The following MAF variants were observed in gnomAD, a reference collection of about 807,000 sequenced individuals.
MAF encodes the protein transcription factor Maf.
A neutral mutation model predicts 22.0 loss-of-function variants in MAF; 10 were observed. The observed-to-expected ratio is 0.45, with a 90% CI of 0.28 to 0.77. The LOEUF is 0.77. Ranked by LOEUF, MAF falls within the 30% of genes least tolerant of loss-of-function variation. The pLI is 0.12. For missense variants in MAF, 544 were observed against 548.4 expected (o/e 0.99, Z 0.08); for synonymous variants, 337 against 255.8 (o/e 1.32, Z -3.03).
At chr16:79,304,424 C>T in the MAF span, among the ~76,000 whole-genome samples, 23 of 152,178 alleles carry the variant, frequency 1.5e-4, 1 homozygote, top group African/African-American at 4.1e-4. Context: ...TTAATCTTCC[C>T]ATTCCAGAGT....
At chr16:79,286,927 C>T in the MAF span, among the ~76,000 whole-genome samples, 1 of 152,140 alleles carries the variant, frequency 6.6e-6, no homozygotes. Flanking sequence ...ATGGCACAGA[C>T]CTGACTCTCT....
At chr16:79,369,097 T>G in the MAF span, among the ~76,000 whole-genome samples, 1 of 152,250 alleles carries the variant, frequency 6.6e-6, no homozygotes, top group South Asian at 2.1e-4. Context: ...TTGAATAAAT[T>G]AATTCTCTTT....
chr16:79,585,851 G>T, exon 2 of MAF: 1 of 607,184 alleles, frequency 1.6e-6, no homozygotes, highest in South Asian at 2.0e-5. Flanking sequence ...AAAAACTCAA[G>T]CACATGCAAA....
At chr16:79,328,401 G>T in the MAF span, among the ~76,000 whole-genome samples, 16 of 152,154 alleles carry the variant, frequency 1.1e-4, no homozygotes, top group African/African-American at 3.6e-4. Context: ...GCTGGAGAGG[G>T]AAACAGGGGC....
chr16:79,502,728 T>TAAATATAA, the MAF span, among the ~76,000 whole-genome samples: 70 of 103,304 alleles, frequency 6.8e-4, 2 homozygotes, highest in East Asian at 3.0e-3. Context: ...TATATATATA[T>TAAATATAA]ATATATATAT....
chr16:79,465,625 A>G, the MAF span, among the ~76,000 whole-genome samples: 1 of 152,204 alleles, frequency 6.6e-6, no homozygotes, highest in Non-Finnish European at 1.5e-5. Flanking sequence ...AATAAAAATA[A>G]AGAAAAGAAA....
chr16:79,376,659 T>G, the MAF span, among the ~76,000 whole-genome samples: 1 of 152,212 alleles, frequency 6.6e-6, no homozygotes, highest in Non-Finnish European at 1.5e-5. Flanking sequence ...GTATATCTCC[T>G]AATGCTATCC....
the MAF span, among the ~76,000 whole-genome samples, chr16:79,382,528 T>A: frequency 2.0e-5 from 3 of 152,300 alleles, no homozygotes; most frequent in South Asian, 6.2e-4. Context: ...AAATTTGAGA[T>A]TAAATTTAGC....
At chr16:79,239,505 A>C in the MAF span, among the ~76,000 whole-genome samples, 1 of 152,084 alleles carries the variant, frequency 6.6e-6, no homozygotes, top group Non-Finnish European at 1.5e-5. Context: ...TCTCACTCAC[A>C]CTGGGTTGGA....
the MAF span, among the ~76,000 whole-genome samples, chr16:79,524,012 T>C: frequency 1.8e-4 from 27 of 152,290 alleles, no homozygotes; most frequent in Non-Finnish European, 3.2e-4. Flanking sequence ...CCAGTATAAA[T>C]AGACACACAC....
At chr16:79,402,891 G>A in the MAF span, among the ~76,000 whole-genome samples, 3 of 152,176 alleles carry the variant, frequency 2.0e-5, no homozygotes, top group African/African-American at 4.8e-5. Context: ...TCCTTCAGCT[G>A]AGCCCAGAGA....
At chr16:79,209,676 C>A in the MAF span, among the ~76,000 whole-genome samples, 2 of 152,174 alleles carry the variant, frequency 1.3e-5, no homozygotes, top group East Asian at 1.9e-4. Flanking sequence ...TCCACCAGAA[C>A]TCTAAGATTC....
chr16:79,322,014 C>T, the MAF span, among the ~76,000 whole-genome samples: 1,372 of 152,200 alleles, frequency 9.0e-3, 21 homozygotes, highest in African/African-American at 0.031. Context: ...GGCAGATCAC[C>T]TGAGGTCAGA....
chr16:79,298,761 G>A, the MAF span, among the ~76,000 whole-genome samples: 2 of 152,254 alleles, frequency 1.3e-5, no homozygotes, highest in African/African-American at 2.4e-5. Flanking sequence ...GGGCAGAGCG[G>A]ACGTGACGGA....
chr16:79,368,937 T>A, the MAF span, among the ~76,000 whole-genome samples: 5 of 152,292 alleles, frequency 3.3e-5, no homozygotes, highest in East Asian at 9.7e-4. Context: ...CACTTTTATA[T>A]ACCATAAGTT....
the MAF span, among the ~76,000 whole-genome samples, chr16:79,307,943 T>C: frequency 6.6e-6 from 1 of 152,338 alleles, no homozygotes; most frequent in East Asian, 1.9e-4. Context: ...TCTTTGACTG[T>C]CATAAATATT....
chr16:79,443,616 T>A, the MAF span, among the ~76,000 whole-genome samples: 37 of 152,284 alleles, frequency 2.4e-4, no homozygotes, highest in Non-Finnish European at 5.1e-4. Context: ...TAGGAACAAA[T>A]CCTAACAAAA....
At chr16:79,580,243 T>G in the MAF span, among the ~76,000 whole-genome samples, 1 of 152,114 alleles carries the variant, frequency 6.6e-6, no homozygotes, top group African/African-American at 2.4e-5. Context: ...CAGGGATGGT[T>G]TGTAGCACAG....
the MAF span, among the ~76,000 whole-genome samples, chr16:79,319,947 A>T: frequency 1.3e-5 from 2 of 152,170 alleles, no homozygotes; most frequent in Non-Finnish European, 2.9e-5. Context: ...TCAATCTTGA[A>T]CTTTGAGAAG....
Sources: gnomAD v4.1 joint callset for allele counts (sites outside exome capture counted in the v4.1 genomes callset) on GRCh38, gnomAD v4.1.1 for gene constraint, MANE v1.5 for transcripts, NCBI Gene and HGNC (gene_info 2026-07-23, HGNC 2026-07-21) for gene names.